The following PCDH11Y variants were observed in gnomAD, a reference collection of about 807,000 sequenced individuals.
The protein encoded by PCDH11Y is protocadherin-11 Y-linked.
For missense variants in PCDH11Y, 12 were observed against 224.8 expected, an observed-to-expected ratio of 0.05 and a Z score of 6.05; for synonymous variants, 9 against 83.6, an observed-to-expected ratio of 0.11 and a Z score of 4.87.
intron 2 of PCDH11Y, among the ~76,000 whole-genome samples, chrY:5,414,937 G>A: frequency 3.1e-5 from 1 of 32,276 alleles, no homozygotes; most frequent in Non-Finnish European, 7.5e-5. Flanking sequence ...GTAATTTTTT[G>A]TATTTTTAGT....
intron 2 of PCDH11Y, among the ~76,000 whole-genome samples, chrY:5,117,383 C>G: frequency 3.1e-5 from 1 of 32,779 alleles, no homozygotes; most frequent in African/African-American, 1.2e-4. Context: ...ACCACATAAG[C>G]TGCTATTCTG....
chrY:5,199,312 A>T (rs2052924410), intron 2 of PCDH11Y, among the ~76,000 whole-genome samples: 3 of 28,460 alleles, frequency 1.1e-4, no homozygotes, highest in African/African-American at 4.2e-4. Flanking sequence ...TTTTTGAGAC[A>T]CTTTCACTCT....
chrY:5,312,542 G>GAT (rs1258677605), intron 2 of PCDH11Y, among the ~76,000 whole-genome samples: 2 of 25,661 alleles, frequency 7.8e-5, no homozygotes, highest in South Asian at 9.4e-4. Context: ...ATATATATAA[G>GAT]ATATATATAT....
intron 3 of PCDH11Y, among the ~76,000 whole-genome samples, chrY:5,041,277 G>C (rs370207407): frequency 2.4e-4 from 1 of 4,134 alleles, no homozygotes; most frequent in Non-Finnish European, 5.4e-4. Flanking sequence ...CCCCACAACA[G>C]TCCCCAGAGT....
rs74946784 is a variant in PCDH11Y at position 5,466,992 on chromosome Y, C to A, written c.3130-34065C>A. On this transcript the variant is annotated intron_variant, in intron 2 of 4. Coordinates refer to the PCDH11Y transcript ENST00000400457. ...TTCTCATTAAAAGAAATTGTTGAAGCAGAATCTCTGTTATTAAAAGTAATG... is the reference window on the plus strand; with the variant it reads ...TTCTCATTAAAAGAAATTGTTGAAGAAGAATCTCTGTTATTAAAAGTAATG... 3.6e-4 allele frequency among the ~76,000 whole-genome samples: 12 copies of A among 33,050 alleles called. No individual in the cohort carries two copies. The East Asian group carries it at 7.1e-3, about 20-fold the overall frequency. 88.7% of individuals were successfully genotyped at this position (33,050 alleles called of 37,273 possible).
chrY:5,330,403 T>A, intron 2 of PCDH11Y, among the ~76,000 whole-genome samples: 3 of 33,809 alleles, frequency 8.9e-5, no homozygotes, highest in Admixed American at 8.0e-4. Context: ...ATGCGATGGC[T>A]TGGCTTGGGC....
At chrY:5,476,014 GGGTGAGTCAATGAATAAAT>G (rs2053318263) in intron 2 of PCDH11Y, among the ~76,000 whole-genome samples, 3 of 32,811 alleles carry the variant, frequency 9.1e-5, no homozygotes, top group Non-Finnish European at 2.2e-4. Context: ...AAGTTGCTCT[GGGTGAGTCAATGAATAAAT>G]GGTGAGTGAA....
At chrY:5,655,250 AGATGTGATCTCTCT>A (rs2053535031) in intron 4 of PCDH11Y, among the ~76,000 whole-genome samples, 1 of 28,054 alleles carries the variant, frequency 3.6e-5, no homozygotes, top group African/African-American at 1.4e-4. Context: ...TGTTCCTCAT[AGATGTGATCTCTCT>A]ACATATTTCT....
intron 4 of PCDH11Y, among the ~76,000 whole-genome samples, chrY:5,715,804 G>A: frequency 3.1e-5 from 1 of 32,388 alleles, no homozygotes; most frequent in Non-Finnish European, 7.6e-5. Context: ...TCAAAGACAT[G>A]TTAAAGTAAA....
intron 2 of PCDH11Y, among the ~76,000 whole-genome samples, chrY:5,206,561 G>A: frequency 6.7e-5 from 2 of 29,975 alleles, no homozygotes; most frequent in South Asian, 1.6e-3. Context: ...TCACACAGAC[G>A]CTTCCAAGCT....
At chrY:5,363,498 A>C in intron 2 of PCDH11Y, among the ~76,000 whole-genome samples, 1 of 31,962 alleles carries the variant, frequency 3.1e-5, no homozygotes, top group Middle Eastern at 0.014. Flanking sequence ...GAGGCCTTCC[A>C]TCAACATTAT....
chrY:5,100,170 T>A, exon 2 of PCDH11Y: 1 of 394,880 alleles, frequency 2.5e-6, no homozygotes, highest in Admixed American at 7.8e-5. Flanking sequence ...TCATCACTGC[T>A]GTAGTAAGAT....
chrY:5,127,188 G>T (rs2563470), intron 2 of PCDH11Y, among the ~76,000 whole-genome samples: 2 of 30,686 alleles, frequency 6.5e-5, no homozygotes, highest in African/African-American at 2.6e-4. Flanking sequence ...CTTTTTTGTT[G>T]TTTATTATTA....
chrY:5,236,185 C>G, intron 2 of PCDH11Y, among the ~76,000 whole-genome samples: 1 of 32,473 alleles, frequency 3.1e-5, no homozygotes, highest in Non-Finnish European at 7.6e-5. Flanking sequence ...GAGCAAACAC[C>G]AAAAACATAT....
chrY:5,072,214 A>ATAT (rs2124630857), intron 1 of PCDH11Y, among the ~76,000 whole-genome samples: 1 of 31,620 alleles, frequency 3.2e-5, no homozygotes, highest in East Asian at 8.3e-4. Flanking sequence ...TGTCCTTACC[A>ATAT]ATTGGTAAGC....
At chrY:5,322,692 C>T (rs2124665962) in intron 2 of PCDH11Y, among the ~76,000 whole-genome samples, 11 of 32,352 alleles carry the variant, frequency 3.4e-4, no homozygotes, top group Admixed American at 8.8e-4. Context: ...AGGTAGCAGA[C>T]GATATCTTAT....
At chrY:5,046,466 T>C (rs2124625955) in intron 3 of PCDH11Y, among the ~76,000 whole-genome samples, 3 of 33,887 alleles carry the variant, frequency 8.9e-5, no homozygotes, top group East Asian at 8.0e-4. Flanking sequence ...GCAGTCTGCG[T>C]GTTCTCAGAT....
At chrY:5,547,115 G>A in intron 3 of PCDH11Y, among the ~76,000 whole-genome samples, 1 of 32,017 alleles carries the variant, frequency 3.1e-5, no homozygotes, top group African/African-American at 1.2e-4. Flanking sequence ...TTTGCCTAGA[G>A]TAAGCTACTT....
At chrY:5,660,100 C>T (rs1242429282) in intron 4 of PCDH11Y, among the ~76,000 whole-genome samples, 6 of 29,610 alleles carry the variant, frequency 2.0e-4, no homozygotes, top group Non-Finnish European at 4.8e-4. Flanking sequence ...ACTACTCTGC[C>T]GGTGCCCTCT....
Sources: allele counts gnomAD v4.1 joint callset (sites outside exome capture counted in the v4.1 genomes callset), GRCh38; gene constraint gnomAD v4.1.1; transcripts MANE v1.5; gene names NCBI Gene and HGNC (gene_info 2026-07-23, HGNC 2026-07-21).